The following CDH13 variants were observed in gnomAD, a reference collection of about 807,000 sequenced individuals.
The protein encoded by CDH13 is cadherin 13.
CDH13 carries 24 observed loss-of-function variants against 63.8 expected under a neutral mutation model. The observed-to-expected ratio is 0.38, with a 90% CI of 0.27 to 0.53. The LOEUF (loss-of-function observed/expected upper bound fraction) is 0.53. Among genes scored for constraint, CDH13 ranks in the 20% least tolerant of loss-of-function variants. CDH13 has a pLI of 0.85. For missense variants in CDH13, 1,049 were observed against 903.1 expected, an observed-to-expected ratio of 1.16 and a Z score of -2.07; for synonymous variants, 503 against 355.3, an observed-to-expected ratio of 1.42 and a Z score of -4.67.
chr16:83,096,586 G>A (rs1453419646), intron 3 of CDH13, among the ~76,000 whole-genome samples: 1 of 152,138 alleles, frequency 6.6e-6, no homozygotes, highest in Non-Finnish European at 1.5e-5. Flanking sequence ...GAGTATCTCT[G>A]CTGAACGCAA....
chr16:83,081,490 C>T (rs1222184551), intron 3 of CDH13, among the ~76,000 whole-genome samples: 1 of 152,178 alleles, frequency 6.6e-6, no homozygotes. Context: ...TGTACCACTT[C>T]AGAGAATACT....
intron 2 of CDH13, among the ~76,000 whole-genome samples, chr16:83,006,118 C>T (rs1274349856): frequency 6.6e-6 from 1 of 152,212 alleles, no homozygotes; most frequent in African/African-American, 2.4e-5. Flanking sequence ...GTCAGCTCTC[C>T]TTTAACTCAA....
intron 6 of CDH13, among the ~76,000 whole-genome samples, chr16:83,437,038 C>T (rs1356402249): frequency 3.3e-5 from 5 of 152,032 alleles, no homozygotes; most frequent in Non-Finnish European, 5.9e-5. Flanking sequence ...ACTAACTTTC[C>T]CTTGGCTGTC....
chr16:83,707,339 A>T (rs1907233633), intron 10 of CDH13, among the ~76,000 whole-genome samples: 1 of 152,102 alleles, frequency 6.6e-6, no homozygotes, highest in Non-Finnish European at 1.5e-5. Context: ...TAACTTTCTT[A>T]GGCCATTATT....
At chr16:83,707,097 C>G (rs926565501) in intron 10 of CDH13, among the ~76,000 whole-genome samples, 72 of 152,144 alleles carry the variant, frequency 4.7e-4, no homozygotes, top group African/African-American at 1.6e-3. Flanking sequence ...AAGAAGGATA[C>G]AAGATGGAAA....
chr16:83,068,368 G>C (rs2032180259), intron 3 of CDH13, among the ~76,000 whole-genome samples: 1 of 152,084 alleles, frequency 6.6e-6, no homozygotes, highest in Non-Finnish European at 1.5e-5. Flanking sequence ...TTGCTGCTTG[G>C]CTATTAAGTG....
chr16:83,733,371 C>G (rs1911225454), intron 10 of CDH13, among the ~76,000 whole-genome samples: 1 of 152,184 alleles, frequency 6.6e-6, no homozygotes, highest in Non-Finnish European at 1.5e-5. Flanking sequence ...GACCCTGCAG[C>G]CCTCCCGGTA....
intron 8 of CDH13, among the ~76,000 whole-genome samples, chr16:83,652,726 G>A (rs1468512192): frequency 6.6e-6 from 1 of 152,134 alleles, no homozygotes; most frequent in African/African-American, 2.4e-5. Flanking sequence ...GCTACATATG[G>A]GTTAACAAAT....
At chr16:82,696,041 A>T (rs1053188911) in intron 1 of CDH13, among the ~76,000 whole-genome samples, 1 of 152,148 alleles carries the variant, frequency 6.6e-6, no homozygotes, top group Admixed American at 6.6e-5. Flanking sequence ...CAAGCCTGAA[A>T]TTCGGGTGAC....
At chr16:83,115,583 C>T (rs772924438) in intron 3 of CDH13, among the ~76,000 whole-genome samples, 4 of 152,236 alleles carry the variant, frequency 2.6e-5, no homozygotes, top group Non-Finnish European at 5.9e-5. Context: ...GGAAGCAAAT[C>T]CAGTCTTCTT....
chr16:82,913,115 A>C (rs912298617), intron 2 of CDH13, among the ~76,000 whole-genome samples: 10 of 152,168 alleles, frequency 6.6e-5, no homozygotes, highest in African/African-American at 2.4e-4. Flanking sequence ...GTGTTGGTTT[A>C]AGTAAATTTT....
intron 1 of CDH13, among the ~76,000 whole-genome samples, chr16:82,680,555 C>T (rs1914432899): frequency 6.6e-6 from 1 of 152,070 alleles, no homozygotes; most frequent in Non-Finnish European, 1.5e-5. Context: ...ATATATACTC[C>T]AAAATATGCT....
intron 3 of CDH13, among the ~76,000 whole-genome samples, chr16:83,056,884 C>G (rs2031001116): frequency 6.6e-6 from 1 of 152,170 alleles, no homozygotes; most frequent in Admixed American, 6.5e-5. Flanking sequence ...TGCCTTTGCT[C>G]ATCCTTCACC....
At chr16:82,966,126 G>C (rs1164962115) in intron 2 of CDH13, among the ~76,000 whole-genome samples, 1 of 152,096 alleles carries the variant, frequency 6.6e-6, no homozygotes, top group Non-Finnish European at 1.5e-5. Context: ...CTGAGAAGTA[G>C]ATACTATTTT....
intron 8 of CDH13, among the ~76,000 whole-genome samples, chr16:83,649,326 A>G (rs1021860883): frequency 3.3e-5 from 5 of 152,236 alleles, no homozygotes; most frequent in African/African-American, 1.2e-4. Flanking sequence ...AAATAAATTT[A>G]CAGTGCTTAT....
At chr16:82,827,326 T>C (rs1046671660) in intron 1 of CDH13, among the ~76,000 whole-genome samples, 1 of 152,158 alleles carries the variant, frequency 6.6e-6, no homozygotes, top group Non-Finnish European at 1.5e-5. Flanking sequence ...AAGAGGGATT[T>C]AGGTACTGGA....
At chr16:82,733,914 C>G (rs1263461764) in intron 1 of CDH13, among the ~76,000 whole-genome samples, 1 of 152,198 alleles carries the variant, frequency 6.6e-6, no homozygotes, top group African/African-American at 2.4e-5. Flanking sequence ...CTTAGGAACA[C>G]AAAGCAAGCA....
intron 2 of CDH13, among the ~76,000 whole-genome samples, chr16:82,899,638 T>G (rs1326214611): frequency 6.6e-6 from 1 of 152,150 alleles, no homozygotes; most frequent in African/African-American, 2.4e-5. Flanking sequence ...GGAGTATGCA[T>G]GGATTTGGCC....
intron 7 of CDH13, among the ~76,000 whole-genome samples, chr16:83,496,980 AG>A (rs1276257375): frequency 2.0e-5 from 3 of 152,246 alleles, no homozygotes; most frequent in Non-Finnish European, 4.4e-5. Context: ...CACACCAGTT[AG>A]AATGGCGATC....
Sources: gnomAD v4.1 joint callset for allele counts (sites outside exome capture counted in the v4.1 genomes callset) on GRCh38, gnomAD v4.1.1 for gene constraint, MANE v1.5 for transcripts, NCBI Gene and HGNC (gene_info 2026-07-23, HGNC 2026-07-21) for gene names.